Variants in CTNNA2 observed in about 807,000 individuals in gnomAD.
The protein encoded by CTNNA2 is catenin alpha 2, also known as catenin alpha-2.
A neutral mutation model predicts 101.0 loss-of-function variants in CTNNA2; 42 were observed. The observed-to-expected ratio is 0.42, with a 90% CI of 0.32 to 0.54. The LOEUF is 0.54. Among genes scored for constraint, CTNNA2 ranks in the 20% least tolerant of loss-of-function variants. The pLI, the probability that CTNNA2 is intolerant of heterozygous loss-of-function variation, is 0.14. For synonymous variants in CTNNA2, 450 were observed against 456.4 expected (o/e 0.99, Z 0.18); for missense variants, 871 against 1,223.1 (o/e 0.71, Z 4.29).
intron 2 of CTNNA2, among the ~76,000 whole-genome samples, chr2:79,667,666 T>C (rs900068835): frequency 2.6e-5 from 4 of 152,222 alleles, no homozygotes; most frequent in Non-Finnish European, 5.9e-5. Context: ...AGTCATATTA[T>C]TCTGTAACAT....
At chr2:79,956,711 C>T (rs2104513704) in intron 7 of CTNNA2, among the ~76,000 whole-genome samples, 1 of 152,304 alleles carries the variant, frequency 6.6e-6, no homozygotes, top group East Asian at 1.9e-4. Context: ...GAATATTCCC[C>T]TGGCCACCTT....
intron 4 of CTNNA2, among the ~76,000 whole-genome samples, chr2:79,386,970 A>G (rs550386422): frequency 2.0e-5 from 3 of 152,316 alleles, no homozygotes; most frequent in African/African-American, 7.2e-5. Context: ...TGTGGATGCC[A>G]CTTTGAGAAA....
intron 2 of CTNNA2, among the ~76,000 whole-genome samples, chr2:79,666,683 G>A (rs1682443965): frequency 2.0e-5 from 3 of 152,302 alleles, no homozygotes; most frequent in South Asian, 4.1e-4. Context: ...TTGAGACTGA[G>A]CTAGGTTGCA....
intron 4 of CTNNA2, among the ~76,000 whole-genome samples, chr2:79,865,796 T>C (rs1682036859): frequency 6.6e-6 from 1 of 152,238 alleles, no homozygotes; most frequent in African/African-American, 2.4e-5. Flanking sequence ...CTCGGCTCAC[T>C]GCAAGCTCCG....
chr2:80,433,025 A>G (rs780096501), intron 9 of CTNNA2, among the ~76,000 whole-genome samples: 7 of 152,098 alleles, frequency 4.6e-5, no homozygotes, highest in Admixed American at 1.3e-4. Flanking sequence ...TTTATGGATC[A>G]ATAGTTTTGC....
chr2:79,908,017 A>G (rs1685541191), intron 6 of CTNNA2, among the ~76,000 whole-genome samples: 1 of 152,168 alleles, frequency 6.6e-6, no homozygotes, highest in Admixed American at 6.5e-5. Context: ...TTCTGCACAC[A>G]ACCTGAACAA....
intron 7 of CTNNA2, among the ~76,000 whole-genome samples, chr2:80,134,278 A>G (rs1489381439): frequency 6.6e-6 from 1 of 152,100 alleles, no homozygotes; most frequent in African/African-American, 2.4e-5. Flanking sequence ...CTAAGAATGA[A>G]GGGAGCAAAT....
At chr2:79,747,408 A>C (rs1231056124) in intron 3 of CTNNA2, among the ~76,000 whole-genome samples, 1 of 152,206 alleles carries the variant, frequency 6.6e-6, no homozygotes, top group Non-Finnish European at 1.5e-5. Flanking sequence ...AAAATTTACA[A>C]TATGATAAAT....
In CTNNA2 at chr2:80,604,010, T is replaced by G. The variant is rs1360657966; in HGVS notation, c.2190-64T>G. The G allele has an allele frequency of 2.2e-6, 3 of 1,345,730 alleles. No homozygotes were observed. In the African/African-American group the frequency reaches 4.4e-5, roughly 20 times the overall value. The allele number at this position is 1,345,730 out of a possible 1,614,324, so 83.4% of individuals were successfully genotyped here. A position where few individuals can be genotyped will look rare whatever the true frequency, so the allele number is the denominator to read the frequency against. On this transcript the variant is annotated intron_variant, in intron 15 of 18. Transcript: ENST00000402739. ...ACACTAGACTCCTGGACAAAGGATATGGTAGGTTGGTCTCTTTCCCGTCAT... is the reference window on the plus strand; with the variant it reads ...ACACTAGACTCCTGGACAAAGGATAGGGTAGGTTGGTCTCTTTCCCGTCAT...
In CTNNA2 at chr2:80,647,792, C is replaced by T. The variant is rs760966329; in HGVS notation, c.2782C>T (p.Arg928Ter). ...KREKPEEFQT[R>*]VRRGSQKKHI... ...AGAAAAGCCTGAAGAATTCCAGACA[C>T]GAGTTCGACGAGGTTCTCAGAAGAA... The change falls in exon 19 of 19, where the codon CGA becomes TGA. Residue 928 changes from arginine (R) to a stop codon, truncating the protein, a stop_gained. Transcript: ENST00000402739. LOFTEE classifies it high-confidence loss of function. 1.2e-6 allele frequency: 2 copies of T among 1,613,584 alleles called. No homozygotes were observed. Among genetic ancestry groups the T allele is most frequent in the Non-Finnish European group, 1.7e-6 (2 of 1,179,594 alleles).
intron 2 of CTNNA2, among the ~76,000 whole-genome samples, chr2:79,262,033 C>T (rs774370602): frequency 4.1e-4 from 63 of 152,118 alleles, no homozygotes; most frequent in Non-Finnish European, 8.5e-4. Context: ...TAGGTCTGGG[C>T]ATATTAATTC....
At chr2:80,355,503 T>A (rs1278204922) in intron 7 of CTNNA2, among the ~76,000 whole-genome samples, 1 of 152,164 alleles carries the variant, frequency 6.6e-6, no homozygotes, top group African/African-American at 2.4e-5. Flanking sequence ...GTACAAGCCC[T>A]GATTAGTCTT....
At chr2:79,576,283 A>C (rs967082552) in intron 1 of CTNNA2, among the ~76,000 whole-genome samples, 2 of 152,192 alleles carry the variant, frequency 1.3e-5, no homozygotes, top group African/African-American at 4.8e-5. Flanking sequence ...AGAAGGGAGA[A>C]GAATTTTACA....
chr2:79,396,294 G>A (rs535180391), intron 4 of CTNNA2, among the ~76,000 whole-genome samples: 2 of 152,172 alleles, frequency 1.3e-5, no homozygotes, highest in South Asian at 4.2e-4. Context: ...GAGTAGCTGG[G>A]ATTACAGGTG....
intron 1 of CTNNA2, among the ~76,000 whole-genome samples, chr2:79,552,447 G>A (rs941112745): frequency 6.6e-6 from 1 of 152,114 alleles, no homozygotes; most frequent in African/African-American, 2.4e-5. Context: ...TACAATTCTG[G>A]AGTCTGGAGC....
At chr2:79,740,810 A>T (rs1466166547) in intron 2 of CTNNA2, among the ~76,000 whole-genome samples, 1 of 151,610 alleles carries the variant, frequency 6.6e-6, no homozygotes, top group Non-Finnish European at 1.5e-5. Context: ...GTCTCTCTCG[A>T]GTCATGTGAA....
At chr2:80,393,842 T>G (rs1424115147) in intron 8 of CTNNA2, among the ~76,000 whole-genome samples, 2 of 152,200 alleles carry the variant, frequency 1.3e-5, no homozygotes, top group East Asian at 3.8e-4. Context: ...GGTCTATTTT[T>G]CTTAACAGGG....
At chr2:79,420,827 C>G (rs1040130108) in intron 4 of CTNNA2, among the ~76,000 whole-genome samples, 1 of 152,096 alleles carries the variant, frequency 6.6e-6, no homozygotes, top group African/African-American at 2.4e-5. Context: ...CCAAGTATAA[C>G]AATATGGTCT....
At chr2:80,560,583 C>A (rs1033832713) in intron 12 of CTNNA2, among the ~76,000 whole-genome samples, 2 of 152,106 alleles carry the variant, frequency 1.3e-5, no homozygotes, top group Non-Finnish European at 2.9e-5. Context: ...CCTGTATAAA[C>A]CCTCTGCACC....
Sources: gnomAD v4.1 joint callset for allele counts (sites outside exome capture counted in the v4.1 genomes callset) on GRCh38, gnomAD v4.1.1 for gene constraint, MANE v1.5 for transcripts, NCBI Gene and HGNC (gene_info 2026-07-23, HGNC 2026-07-21) for gene names.